The following FRMD5 variants were observed in gnomAD, a reference collection of about 807,000 sequenced individuals.
The protein encoded by FRMD5 is FERM domain-containing protein 5.
Under a neutral mutation model 69.0 loss-of-function variants are expected in FRMD5, and 20 were observed. The ratio of observed to expected loss-of-function variants is 0.29; its 90% CI spans 0.20 to 0.42. FRMD5 has a LOEUF of 0.42. FRMD5 is among the 10% of genes least tolerant of loss of function. FRMD5 has a pLI of 1.00. For missense variants in FRMD5, 595 were observed against 708.6 expected (o/e 0.84, Z 1.82); for synonymous variants, 271 against 260.1 (o/e 1.04, Z -0.40).
rs530509161 is a variant in FRMD5, at chr15:43,874,933, C to T, written c.1136-471G>A. Among the ~76,000 whole-genome samples the T allele has an allele frequency of 1.1e-4, 17 of 151,824 alleles. No homozygotes were observed. The South Asian group carries it at 3.5e-3, about 32-fold the overall frequency. On this transcript the variant is annotated intron_variant, in intron 13 of 13. Coordinates refer to ENST00000417257, the MANE Select transcript of FRMD5 (RefSeq NM_032892.5). ...AAAAGAAAAAGGCTGGGCGTGGTGC[C>T]TCATGCCTGTAATCCCAGCACTTTG...
chr15:43,918,450 T>C (rs1352971820), intron 4 of FRMD5, among the ~76,000 whole-genome samples: 1 of 152,174 alleles, frequency 6.6e-6, no homozygotes, highest in East Asian at 1.9e-4. Context: ...TCCATATTCT[T>C]TCCTCCTTCT....
chr15:44,168,703 G>C (rs1012009936), intron 1 of FRMD5, among the ~76,000 whole-genome samples: 2 of 152,076 alleles, frequency 1.3e-5, no homozygotes, highest in Non-Finnish European at 2.9e-5. Context: ...CTATATTTAG[G>C]GGCTAGGACA....
intron 1 of FRMD5, among the ~76,000 whole-genome samples, chr15:43,965,435 A>C (rs1279440171): frequency 6.6e-6 from 1 of 152,192 alleles, no homozygotes; most frequent in Non-Finnish European, 1.5e-5. Context: ...AAAGAGGTCA[A>C]GTAAATTACC....
chr15:44,174,693 T>A (rs1410612059), intron 1 of FRMD5, among the ~76,000 whole-genome samples: 5 of 152,226 alleles, frequency 3.3e-5, no homozygotes, highest in Admixed American at 2.0e-4. Context: ...TTTATCATAA[T>A]TCTTGAGTCA....
At chr15:43,966,153 C>T (rs1174809380) in intron 1 of FRMD5, among the ~76,000 whole-genome samples, 1 of 151,902 alleles carries the variant, frequency 6.6e-6, no homozygotes, top group South Asian at 2.1e-4. Flanking sequence ...GTGGGCAGAT[C>T]ACTTGTCAGG....
chr15:44,013,481 T>G (rs1024586128), intron 1 of FRMD5, among the ~76,000 whole-genome samples: 1 of 152,236 alleles, frequency 6.6e-6, no homozygotes, highest in African/African-American at 2.4e-5. Context: ...TTTTTATCCC[T>G]AGAGATTGGT....
chr15:43,903,438 T>G (rs1241979754), intron 6 of FRMD5, among the ~76,000 whole-genome samples: 1 of 152,186 alleles, frequency 6.6e-6, no homozygotes, highest in African/African-American at 2.4e-5. Context: ...TGCTACTTGC[T>G]GGAAAATATA....
At chr15:44,001,592 A>C (rs1890214073) in intron 1 of FRMD5, among the ~76,000 whole-genome samples, 1 of 146,612 alleles carries the variant, frequency 6.8e-6, no homozygotes, top group South Asian at 2.2e-4. Flanking sequence ...ATGGCATAAG[A>C]TAAAGATCCA....
intron 1 of FRMD5, among the ~76,000 whole-genome samples, chr15:44,161,498 A>T (rs895390751): frequency 6.6e-6 from 1 of 152,238 alleles, no homozygotes; most frequent in Non-Finnish European, 1.5e-5. Context: ...TAATATTAAT[A>T]TCTGCAAGCA....
intron 1 of FRMD5, among the ~76,000 whole-genome samples, chr15:44,057,417 T>G (rs912010624): frequency 3.7e-4 from 56 of 152,222 alleles, no homozygotes; most frequent in African/African-American, 1.4e-3. Flanking sequence ...AACTGTTCTA[T>G]CTATCCTATC....
intron 1 of FRMD5, among the ~76,000 whole-genome samples, chr15:44,179,528 G>C (rs1030869901): frequency 6.6e-6 from 1 of 152,170 alleles, no homozygotes; most frequent in African/African-American, 2.4e-5. Flanking sequence ...TGTATTTTGT[G>C]TTCTGCAAAC....
chr15:44,010,007 A>G (rs901712853), intron 1 of FRMD5, among the ~76,000 whole-genome samples: 2 of 152,296 alleles, frequency 1.3e-5, no homozygotes, highest in Middle Eastern at 3.4e-3. Flanking sequence ...CCCTAACATC[A>G]TACCCTGACC....
At chr15:43,984,947 G>A (rs138584215) in intron 1 of FRMD5, among the ~76,000 whole-genome samples, 7,083 of 149,440 alleles carry the variant, frequency 0.047, 517 homozygotes, top group African/African-American at 0.16. Context: ...TCGCGCCACT[G>A]CACCCCAAAC....
intron 1 of FRMD5, among the ~76,000 whole-genome samples, chr15:44,009,251 T>C (rs1205223253): frequency 6.6e-6 from 1 of 152,246 alleles, no homozygotes; most frequent in South Asian, 2.1e-4. Flanking sequence ...GTAGCTCATA[T>C]GACTGATAAT....
chr15:44,037,963 T>C (rs1000010283), intron 1 of FRMD5, among the ~76,000 whole-genome samples: 2 of 152,238 alleles, frequency 1.3e-5, no homozygotes, highest in African/African-American at 4.8e-5. Context: ...CAGCATCTGT[T>C]GTTTCCTGGC....
intron 1 of FRMD5, among the ~76,000 whole-genome samples, chr15:44,132,058 G>A (rs1332683522): frequency 3.3e-5 from 5 of 152,150 alleles, no homozygotes; most frequent in African/African-American, 9.7e-5. Context: ...GGGGTAATGG[G>A]AGACAGTGAC....
At chr15:43,895,606 G>C (rs777989346) in intron 7 of FRMD5, among the ~76,000 whole-genome samples, 17 of 152,218 alleles carry the variant, frequency 1.1e-4, no homozygotes, top group South Asian at 6.2e-4. Context: ...ATAGCACCTT[G>C]AACAATCCCA....
intron 1 of FRMD5, among the ~76,000 whole-genome samples, chr15:43,947,892 G>C (rs939394904): frequency 6.6e-6 from 1 of 152,182 alleles, no homozygotes; most frequent in Non-Finnish European, 1.5e-5. Context: ...CTAACGAGTA[G>C]CCAAGCTGGC....
intron 1 of FRMD5, among the ~76,000 whole-genome samples, chr15:44,067,905 A>T (rs1357858923): frequency 6.6e-6 from 1 of 152,226 alleles, no homozygotes; most frequent in Non-Finnish European, 1.5e-5. Flanking sequence ...CAAATAATGC[A>T]ATTTAAAAAT....
Sources: allele counts gnomAD v4.1 joint callset (sites outside exome capture counted in the v4.1 genomes callset), GRCh38; gene constraint gnomAD v4.1.1; transcripts MANE v1.5; gene names NCBI Gene and HGNC (gene_info 2026-07-23, HGNC 2026-07-21).